Variants in ADAM8 observed in about 807,000 individuals in gnomAD.
ADAM8 encodes disintegrin and metalloproteinase domain-containing protein 8.
A neutral mutation model predicts 102.4 loss-of-function variants in ADAM8; 104 were observed. The observed-to-expected ratio is 1.02, with a 90% CI of 0.87 to 1.20. The LOEUF (loss-of-function observed/expected upper bound fraction) is 1.20, where lower values mean the gene tolerates loss of function less well. ADAM8 is among the 50% of genes most tolerant of loss of function. The probability of loss-of-function intolerance (pLI) is 0.00; values close to 1 mark genes in which losing one functional copy is unlikely to be tolerated. For synonymous variants in ADAM8, 517 were observed against 485.2 expected, an observed-to-expected ratio of 1.07 and a Z score of -0.86; for missense variants, 1,132 against 1,159.0, an observed-to-expected ratio of 0.98 and a Z score of 0.34.
intron 2 of ADAM8, 39 bp downstream of exon 2, chr10:133,275,445 G>A (rs1846716550): frequency 6.9e-7 from 1 of 1,440,832 alleles, no homozygotes. Context: ...TAGGCTCAGG[G>A]GCCAGCCAGG....
chr10:133,268,192 T>A, intron 19 of ADAM8, 74 bp from the exon 20 acceptor site: 1 of 1,208,386 alleles, frequency 8.3e-7, no homozygotes, highest in Non-Finnish European at 1.1e-6. Context: ...AGTCTCTCCC[T>A]CCCAGCTCCA....
At position 133,262,451 on chromosome 10, in the gene ADAM8, A is replaced by C. The variant is rs1438195419; in HGVS notation, c.*705T>G. Reference sequence around the variant, plus strand: ...GGTCAATAATTTATTAGTAAAATATACATTTCTCATTATTAAAGAATAAAA... The same window carrying C: ...GGTCAATAATTTATTAGTAAAATATCCATTTCTCATTATTAAAGAATAAAA... On this transcript the variant is annotated 3_prime_UTR_variant, in exon 23 of 23. Coordinates refer to ENST00000445355, the MANE Select transcript of ADAM8 (RefSeq NM_001109.5). 1 of 152,274 alleles carries C rather than the reference A, an allele frequency of 6.6e-6. No homozygotes were observed. The highest frequency in any genetic ancestry group is 2.4e-5 in the African/African-American group (1 of 41,472). 9.4% of individuals were successfully genotyped at this position (152,274 alleles called of 1,614,324 possible).
intron 15 of ADAM8, 64 bp downstream of exon 15, chr10:133,270,672 C>T (rs1159026426): frequency 1.4e-5 from 22 of 1,565,162 alleles, no homozygotes; most frequent in Non-Finnish European, 1.8e-5. Flanking sequence ...TGCAGAGGCC[C>T]TTCTGGGGCT....
intron 17 of ADAM8, 77 bp from the exon 18 acceptor site, chr10:133,269,606 G>C: frequency 1.4e-6 from 2 of 1,393,252 alleles, no homozygotes; most frequent in Non-Finnish European, 1.9e-6. Context: ...TCCAGCATGA[G>C]GGCCCCGGGC....
chr10:133,272,136 C>A, intron 10 of ADAM8, 57 bp downstream of exon 10: 2 of 1,526,152 alleles, frequency 1.3e-6, no homozygotes, highest in Non-Finnish European at 1.8e-6. Context: ...CCGAGGCGTC[C>A]CCTCCCCTAT....
rs1415777665 is a variant in ADAM8, at chr10:133,271,909, C to G, written c.1003G>C (p.Glu335Gln). 6.2e-7 allele frequency: 1 copy of G among 1,612,438 alleles called. No homozygotes were observed. The highest frequency in any genetic ancestry group is 2.2e-5 in the East Asian group (1 of 44,880). ...PVGVACTMAH[E>Q]MGHNLGMDHD... is the part of the protein sequence containing the mutation. The stretch of plus-strand genomic sequence containing the variant: ...TCCATGCCCAGGTTGTGGCCCATCT[C>G]ATGGGCCATGGTACAGGCCACGCCC... Residue 335 changes from glutamate (E) to glutamine (Q), a missense_variant, in exon 11 of 23, where the codon GAG (glutamate) becomes CAG (glutamine). Transcript: ENST00000445355.
In ADAM8 at chr10:133,274,336, G is replaced by A. The variant is rs961009565; in HGVS notation, c.151-101C>T. The A allele has an allele frequency of 4.9e-5, 53 of 1,089,282 alleles. No individual in the cohort carries two copies. In the African/African-American group the frequency reaches 5.2e-4, roughly 11 times the overall value. 67.5% of individuals were successfully genotyped at this position (1,089,282 alleles called of 1,614,324 possible). On this transcript the variant is annotated intron_variant, in intron 2 of 22. Transcript: ENST00000445355. ...GCTCAGCTGGGGGGGAAGGGGTGCC[G>A]GCCTCCAGCCCCAGGTCAAGGCTCC...
At position 133,273,977 on chromosome 10, in the gene ADAM8, C is replaced by G. The variant is rs573066255; in HGVS notation, c.280G>C (p.Glu94Gln). The G allele has an allele frequency of 6.2e-7, 1 of 1,605,838 alleles. No homozygotes were observed. Among genetic ancestry groups the G allele is most frequent in the Non-Finnish European group, 8.5e-7 (1 of 1,178,094 alleles). Residue 94 changes from glutamate to glutamine, a missense_variant, in exon 4 of 23, where the codon GAG becomes CAG. Physicochemically the swap from Glu to Gln is conservative, Grantham distance 29. Transcript: ENST00000445355. ...TETYTAANGS[E>Q]VTEQPRGQDH... ...TGCCCGCGAGGCTGCTCCGTCACCTCGGAGCCATTGGCAGCCGTATAGGTC... is the reference window on the plus strand; with the variant it reads ...TGCCCGCGAGGCTGCTCCGTCACCTGGGAGCCATTGGCAGCCGTATAGGTC...
chr10:133,271,448 T>C, intron 12 of ADAM8, 80 bp downstream of exon 12: 2 of 1,484,456 alleles, frequency 1.3e-6, no homozygotes, highest in Non-Finnish European at 9.0e-7. Flanking sequence ...CGTGTGGATG[T>C]GCAGTGGTCA....
chr10:133,275,627 G>T (rs1269859353), intron 1 of ADAM8, 40 bp from the exon 2 acceptor site: 3 of 1,201,764 alleles, frequency 2.5e-6, no homozygotes, highest in Non-Finnish European at 3.4e-6. Context: ...GGGCCGGGGG[G>T]CAGGTTTCCT....
Position 133,263,009 on chromosome 10 carries a change from T to C in ADAM8, c.*147A>G. ...GCGTGGACAGCAGGAGCCTCTCAGG[T>C]AGATGCATTCCTGAGGTTAGAACAG... On this transcript the variant is annotated 3_prime_UTR_variant, in exon 23 of 23. Coordinates refer to ENST00000445355, the MANE Select transcript of ADAM8 (RefSeq NM_001109.5). The C allele has an allele frequency of 1.0e-6, 1 of 960,304 alleles. No individual in the cohort carries two copies. 59.5% of individuals were successfully genotyped at this position (960,304 alleles called of 1,614,324 possible).
chr10:133,271,157 C>T (rs1351557003), intron 13 of ADAM8, 43 bp downstream of exon 13: 2 of 1,596,446 alleles, frequency 1.3e-6, no homozygotes, highest in Admixed American at 1.7e-5. Flanking sequence ...TCCCACCTGC[C>T]AGCCATGGGC....
rs746594474 is a variant in ADAM8 at position 133,273,282 on chromosome 10, G to A, written c.545C>T (p.Thr182Met). 1.0e-4 allele frequency: 161 copies of A among 1,599,392 alleles called. No homozygotes were observed. Among genetic ancestry groups the A allele is most frequent in the East Asian group, 1.6e-4 (7 of 44,354 alleles). ...GGGCCGAGGCCTGAAGACGGCTGCC[G>A]TCCGGGGTCCCAGGAGGCTGCCCAG... ...DSLGSLLGPR[T>M]AAVFRPRPGD... The change falls in exon 6 of 23, where the codon ACG becomes ATG. Residue 182 changes from threonine to methionine, a missense_variant. Transcript: ENST00000445355.
Position 133,269,542 on chromosome 10 carries a change from C to A in ADAM8, c.1864-13G>T. 6.3e-7 allele frequency: 1 copy of A among 1,586,244 alleles called. No homozygotes were observed. ...TGTGGTTGCACACCTGCGGGGACGGCTGGGCTCAGGGCCAACCCTGTTGTG... is the reference window on the plus strand; with the variant it reads ...TGTGGTTGCACACCTGCGGGGACGGATGGGCTCAGGGCCAACCCTGTTGTG... On this transcript the variant is annotated splice_polypyrimidine_tract_variant and intron_variant, in intron 17 of 22. Coordinates refer to ENST00000445355, the MANE Select transcript of ADAM8 (RefSeq NM_001109.5).
Position 133,273,256 on chromosome 10 carries a change from C to CG in ADAM8, c.570dup (p.Gly191ArgfsTer64). 6.2e-7 allele frequency: 1 copy of CG among 1,602,012 alleles called. No homozygotes were observed. The highest frequency in any genetic ancestry group is 8.5e-7 in the Non-Finnish European group (1 of 1,175,624). On this transcript the variant is annotated frameshift_variant, in exon 6 of 23. Transcript: ENST00000445355. LOFTEE classifies it high-confidence loss of function. Reference sequence around the variant, plus strand: ...ACACAGGAGACAAGGGTGCTCACCCCGGGCCGAGGCCTGAAGACGGCTGCC... The same window carrying CG: ...ACACAGGAGACAAGGGTGCTCACCCCGGGGCCGAGGCCTGAAGACGGCTGCC...
In ADAM8 at chr10:133,273,938, G is replaced by A. The variant is rs759264209; in HGVS notation, c.306+13C>T. ...CCCTACCTGCCCGCCCAGCTGCTCCGCCCGACCCATACCTGCCCGCGAGGC... is the reference window on the plus strand; with the variant it reads ...CCCTACCTGCCCGCCCAGCTGCTCCACCCGACCCATACCTGCCCGCGAGGC... On this transcript the variant is annotated intron_variant, in intron 4 of 22. Transcript: ENST00000445355. 8.2e-6 allele frequency: 13 copies of A among 1,587,764 alleles called. No individual in the cohort carries two copies. Among genetic ancestry groups the A allele is most frequent in the Middle Eastern group, 1.7e-4 (1 of 5,966 alleles).
chr10:133,270,803 C>G lies in ADAM8; in HGVS notation c.1567G>C (p.Gly523Arg). Reference protein sequence around the residue: ...QQCQAFWGPGGQAAEESCFSY... With the variant: ...QQCQAFWGPGRQAAEESCFSY... ...AAGCAGGACTCCTCGGCAGCCTGCC[C>G]ACCTGTGGGACCAGAAGCGGGTTAG... Residue 523 changes from glycine to arginine, a missense_variant and splice_region_variant, in exon 15 of 23, where the codon GGG (glycine) becomes CGG (arginine). Transcript: ENST00000445355. The G allele has an allele frequency of 1.2e-6, 2 of 1,606,876 alleles. No homozygotes were observed. Among genetic ancestry groups the G allele is most frequent in the Non-Finnish European group, 1.7e-6 (2 of 1,176,038 alleles).
intron 22 of ADAM8, 152 bp downstream of exon 22, chr10:133,263,536 A>G (rs1356354090): frequency 4.5e-6 from 3 of 671,544 alleles, no homozygotes; most frequent in Non-Finnish European, 7.1e-6. Flanking sequence ...GCCACTGCCA[A>G]TGCCTTTCCC....
rs763056092 is a variant in ADAM8, at chr10:133,272,502, G to A, written c.789C>T (p.Asp263=). The change falls in exon 9 of 23, where the codon GAC becomes GAT. Residue 263 remains aspartate (D), a synonymous_variant. Transcript: ENST00000445355. ...GGAGGTTCTCCAGTGTGACACTGGG[G>A]TCGGGGCTGACGTGGAACCTGTCCT... ...NSQDRFHVSP[D]PSVTLENLLT... is the part of the protein sequence containing the mutation. The A allele has an allele frequency of 6.8e-6, 11 of 1,612,352 alleles. No individual in the cohort carries two copies. The highest frequency in any genetic ancestry group is 4.5e-5 in the East Asian group (2 of 44,866).
Sources: allele counts gnomAD v4.1 joint callset, GRCh38; gene constraint gnomAD v4.1.1; transcripts MANE v1.5; gene names NCBI Gene and HGNC (gene_info 2026-07-23, HGNC 2026-07-21).